LINGO2: variants seen among roughly 807,000 people sequenced by gnomAD.
LINGO2 encodes the protein leucine-rich repeat and immunoglobulin-like domain-containing nogo receptor-interacting protein 2.
Under a neutral mutation model 30.6 loss-of-function variants are expected in LINGO2, and 14 were observed. The ratio of observed to expected loss-of-function variants is 0.46; its 90% CI spans 0.30 to 0.72. The LOEUF (loss-of-function observed/expected upper bound fraction) is 0.72. Ranked by LOEUF, LINGO2 falls within the 30% of genes least tolerant of loss-of-function variation. The pLI, the probability that LINGO2 is intolerant of heterozygous loss-of-function variation, is 0.07. For missense variants in LINGO2, 729 were observed against 751.7 expected, an observed-to-expected ratio of 0.97 and a Z score of 0.35; for synonymous variants, 317 against 288.5, an observed-to-expected ratio of 1.10 and a Z score of -1.00.
chr9:28,967,279 A>G, the LINGO2 span, among the ~76,000 whole-genome samples: 2 of 152,104 alleles, frequency 1.3e-5, no homozygotes, highest in African/African-American at 4.8e-5. Flanking sequence ...TTATTTTTTG[A>G]AAGACTTAGG....
the LINGO2 span, among the ~76,000 whole-genome samples, chr9:29,134,965 T>A: frequency 7.4e-6 from 1 of 135,864 alleles, no homozygotes. Context: ...ATCAACAGAG[T>A]TTTTTTTATT....
intron 1 of LINGO2, among the ~76,000 whole-genome samples, chr9:28,650,035 G>C (rs1483785560): frequency 2.0e-5 from 3 of 150,348 alleles, no homozygotes; most frequent in African/African-American, 7.3e-5. Context: ...TACTGGCAGG[G>C]GAAAAAAAAA....
intron 2 of LINGO2, among the ~76,000 whole-genome samples, chr9:28,395,097 T>C (rs767717235): frequency 6.6e-6 from 1 of 152,190 alleles, no homozygotes; most frequent in Non-Finnish European, 1.5e-5. Context: ...ATCATTGGCA[T>C]AGGAAACAAA....
chr9:28,699,999 G>T, the LINGO2 span, among the ~76,000 whole-genome samples: 1 of 151,920 alleles, frequency 6.6e-6, no homozygotes, highest in East Asian at 1.9e-4. Context: ...TTTTGCCCTG[G>T]CCCTGTTTCC....
chr9:28,875,848 G>A, the LINGO2 span, among the ~76,000 whole-genome samples: 9 of 151,764 alleles, frequency 5.9e-5, no homozygotes, highest in African/African-American at 1.2e-4. Flanking sequence ...TTTTCTAATC[G>A]ATCTTTATAT....
intron 4 of LINGO2, among the ~76,000 whole-genome samples, chr9:28,106,807 A>C (rs1826607584): frequency 6.6e-6 from 1 of 152,192 alleles, no homozygotes; most frequent in Non-Finnish European, 1.5e-5. Context: ...GCTATATCAC[A>C]GAGCTTTTGG....
chr9:28,128,918 G>A (rs1827310333), intron 4 of LINGO2, among the ~76,000 whole-genome samples: 1 of 152,142 alleles, frequency 6.6e-6, no homozygotes, highest in Non-Finnish European at 1.5e-5. Context: ...GTCTGCGTGG[G>A]CACCATCCAA....
chr9:28,008,267 A>G (rs1587676634), intron 5 of LINGO2, among the ~76,000 whole-genome samples: 1 of 152,170 alleles, frequency 6.6e-6, no homozygotes, highest in African/African-American at 2.4e-5. Context: ...TCTGGTATTT[A>G]TTCCTCTATA....
the LINGO2 span, among the ~76,000 whole-genome samples, chr9:28,678,445 T>C: frequency 3.9e-5 from 6 of 152,176 alleles, no homozygotes; most frequent in Non-Finnish European, 5.9e-5. Flanking sequence ...CTGTTTGGCT[T>C]CCTGAAGTTT....
the LINGO2 span, among the ~76,000 whole-genome samples, chr9:28,893,633 G>GT: frequency 1.3e-5 from 2 of 151,184 alleles, no homozygotes; most frequent in African/African-American, 4.9e-5. Flanking sequence ...ATTGTTTTTA[G>GT]TTTTTTTCTG....
intron 4 of LINGO2, among the ~76,000 whole-genome samples, chr9:28,069,026 A>G (rs928250852): frequency 8.5e-5 from 13 of 152,152 alleles, no homozygotes; most frequent in African/African-American, 2.9e-4. Context: ...AAAAAACTAG[A>G]GTACAGAGAA....
chr9:29,008,264 T>C, the LINGO2 span, among the ~76,000 whole-genome samples: 1 of 152,198 alleles, frequency 6.6e-6, no homozygotes, highest in Admixed American at 6.6e-5. Flanking sequence ...ACTCATCCTT[T>C]TTTATGGCTG....
the LINGO2 span, among the ~76,000 whole-genome samples, chr9:28,969,661 G>C: frequency 2.6e-5 from 4 of 152,214 alleles, no homozygotes; most frequent in South Asian, 8.3e-4. Flanking sequence ...TGGTAGTACA[G>C]ATAGTGAAAA....
At chr9:28,172,415 G>A (rs1242165751) in intron 4 of LINGO2, among the ~76,000 whole-genome samples, 1 of 151,478 alleles carries the variant, frequency 6.6e-6, no homozygotes, top group African/African-American at 2.4e-5. Flanking sequence ...GAATTCACCA[G>A]GCACTAAACT....
At chr9:28,690,978 G>A in the LINGO2 span, among the ~76,000 whole-genome samples, 1 of 152,312 alleles carries the variant, frequency 6.6e-6, no homozygotes, top group South Asian at 2.1e-4. Flanking sequence ...ATGGTAGATG[G>A]TGTTGTAGAT....
In LINGO2 at chr9:28,530,828, A is replaced by G. The variant is rs146280833; in HGVS notation, c.-364-54803T>C. Among the ~76,000 whole-genome samples the G allele has an allele frequency of 1.7e-3, 265 of 152,036 alleles. 1 individual carries two copies. The highest frequency in any genetic ancestry group is 5.9e-3 in the African/African-American group (245 of 41,526). ...AAAATTTAATTGCTTATATATGTGT[A>G]CTGTATTGAATATTAAGTACATATT... On this transcript the variant is annotated intron_variant, in intron 1 of 5. Coordinates refer to ENST00000379992, the Ensembl canonical transcript of LINGO2.
intron 1 of LINGO2, among the ~76,000 whole-genome samples, chr9:28,589,877 G>A (rs1267400271): frequency 2.6e-5 from 4 of 152,042 alleles, no homozygotes; most frequent in African/African-American, 9.7e-5. Flanking sequence ...AAAAGCTGGA[G>A]GCATCACACT....
intron 5 of LINGO2, among the ~76,000 whole-genome samples, chr9:28,001,093 A>G (rs1320481648): frequency 6.6e-6 from 1 of 152,230 alleles, no homozygotes; most frequent in Non-Finnish European, 1.5e-5. Context: ...GTTTTCACAC[A>G]TTTTTAAAGG....
chr9:28,925,434 T>C, the LINGO2 span, among the ~76,000 whole-genome samples: 1 of 152,148 alleles, frequency 6.6e-6, no homozygotes, highest in African/African-American at 2.4e-5. Context: ...TGTGACCAAG[T>C]GCCAGTAAAA....
Sources: allele counts gnomAD v4.1 joint callset (sites outside exome capture counted in the v4.1 genomes callset), GRCh38; gene constraint gnomAD v4.1.1; transcripts MANE v1.5; gene names NCBI Gene and HGNC (gene_info 2026-07-23, HGNC 2026-07-21).